Variants in MN1 observed in about 807,000 individuals in gnomAD.
The protein encoded by MN1 is MN1 proto-oncogene, transcriptional regulator, also known as transcriptional activator MN1.
MN1 carries 19 observed loss-of-function variants against 86.9 expected under a neutral mutation model. The observed-to-expected ratio is 0.22, with a 90% confidence interval of 0.15 to 0.32. The LOEUF (loss-of-function observed/expected upper bound fraction) is 0.32. Among genes scored for constraint, MN1 ranks in the 10% least tolerant of loss-of-function variants. The probability of loss-of-function intolerance (pLI) is 1.00; values close to 1 mark genes in which losing one functional copy is unlikely to be tolerated. For synonymous variants in MN1, 928 were observed against 849.6 expected (o/e 1.09, Z -1.60); for missense variants, 1,841 against 1,862.0 (o/e 0.99, Z 0.21).
rs750612058 is a variant in MN1, at chr22:27,800,010, A to C, written c.534T>G (p.Ser178Arg). Residue 178 changes from serine (S) to arginine (R), a missense_variant, in exon 1 of 2, where the codon AGT (serine) becomes AGG (arginine). Transcript: ENST00000302326. ...QRPGNLPDFH[S>R]SGASSHAVPA... is the part of the protein sequence containing the mutation. ...GCACGGCGTGGCTGGAGGCACCTGA[A>C]CTGTGGAAGTCCGGGAGGTTCCCCG... The C allele has an allele frequency of 4.4e-6, 7 of 1,605,086 alleles. No homozygotes were observed. Among genetic ancestry groups the C allele is most frequent in the Non-Finnish European group, 5.1e-6 (6 of 1,179,088 alleles).
chr22:27,773,503 G>A (rs1005238801), intron 1 of MN1, among the ~76,000 whole-genome samples: 3 of 147,906 alleles, frequency 2.0e-5, no homozygotes, highest in Non-Finnish European at 4.4e-5. Context: ...GGGGCCTCAC[G>A]TGCTCGCCGC....
chr22:27,787,117 TCTC>T (rs1334394431), intron 1 of MN1, among the ~76,000 whole-genome samples: 3 of 152,146 alleles, frequency 2.0e-5, no homozygotes, highest in African/African-American at 7.2e-5. Context: ...TATTAAGACT[TCTC>T]AGGCCTGTGT....
intron 1 of MN1, among the ~76,000 whole-genome samples, chr22:27,787,828 C>T (rs922406074): frequency 3.3e-5 from 5 of 152,194 alleles, no homozygotes; most frequent in Non-Finnish European, 7.3e-5. Context: ...ACCCAGGGCC[C>T]ATCTGGGTCT....
chr22:27,767,928 G>T (rs1281676944), intron 1 of MN1, among the ~76,000 whole-genome samples: 4 of 152,152 alleles, frequency 2.6e-5, no homozygotes, highest in African/African-American at 9.7e-5. Flanking sequence ...CCCTTCAAAG[G>T]CAGGGACTGT....
At chr22:27,753,448 C>T (rs1221915449) in intron 1 of MN1, among the ~76,000 whole-genome samples, 2 of 152,164 alleles carry the variant, frequency 1.3e-5, no homozygotes, top group Non-Finnish European at 2.9e-5. Flanking sequence ...GCCTGGCACA[C>T]AGACAGTCCC....
At position 27,750,788 on chromosome 22, in the gene MN1, A is replaced by T. The variant is rs566668379; in HGVS notation, c.*127T>A. ...AGCAGGTACCAACCTAGAGAAAAAA[A>T]AAAAACTCATCCACTCAGCAATAGT... is the stretch of plus-strand genomic sequence containing the variant. On this transcript the variant is annotated 3_prime_UTR_variant, in exon 2 of 2. Coordinates refer to ENST00000302326, the MANE Select transcript of MN1 (RefSeq NM_002430.3). The T allele has an allele frequency of 8.4e-6, 7 of 829,216 alleles. No individual in the cohort carries two copies. The South Asian group carries it at 1.8e-4, about 21-fold the overall frequency. The allele number at this position is 829,216 out of a possible 1,614,324, so 51.4% of individuals were successfully genotyped here. A position where few individuals can be genotyped will look rare whatever the true frequency, so the allele number is the denominator to read the frequency against.
intron 1 of MN1, 99 bp downstream of exon 1, chr22:27,796,664 C>G: frequency 7.8e-7 from 1 of 1,288,396 alleles, no homozygotes; most frequent in Non-Finnish European, 1.1e-6. Context: ...GGTTTGTGCC[C>G]TCCAAACCTC....
At chr22:27,775,679 C>T (rs979613213) in intron 1 of MN1, among the ~76,000 whole-genome samples, 10 of 152,184 alleles carry the variant, frequency 6.6e-5, no homozygotes, top group African/African-American at 2.4e-4. Flanking sequence ...CCTGTCCCAC[C>T]CCAGATGTGA....
Position 27,798,187 on chromosome 22 carries a change from G to A in MN1, c.2357C>T (p.Pro786Leu), listed in dbSNP as rs1933339819. The change falls in exon 1 of 2, where the codon CCG becomes CTG. Residue 786 changes from proline (P) to leucine (L), a missense_variant. By Grantham distance (98) the Pro-to-Leu change is moderately conservative. Coordinates refer to ENST00000302326, the MANE Select transcript of MN1 (RefSeq NM_002430.3). ...SGGGGGGGAY[P>L]PQPDFQPSQR... ...GCTGGGCTGGAAATCAGGCTGCGGCGGGTAGGCACCCCCGCCACCGCCGCC... is the reference window on the plus strand; with the variant it reads ...GCTGGGCTGGAAATCAGGCTGCGGCAGGTAGGCACCCCCGCCACCGCCGCC... The A allele has an allele frequency of 6.4e-7, 1 of 1,555,118 alleles. No individual in the cohort carries two copies. Among genetic ancestry groups the A allele is most frequent in the Admixed American group, 1.9e-5 (1 of 51,572 alleles).
Position 27,798,801 on chromosome 22 carries a change from G to A in MN1, c.1743C>T (p.Pro581=). The change falls in exon 1 of 2, where the codon CCC becomes CCT. Residue 581 remains proline, a synonymous_variant. Coordinates refer to ENST00000302326, the MANE Select transcript of MN1 (RefSeq NM_002430.3). Reference sequence around the variant, plus strand: ...CCAGGCCGCCCTGGCCCACGTCCCCGGGGTGGCCTAGCTGAGCCAGGTTGG... The same window carrying A: ...CCAGGCCGCCCTGGCCCACGTCCCCAGGGTGGCCTAGCTGAGCCAGGTTGG... ...RQPNLAQLGH[P]GDVGQGGLVH... is the part of the protein sequence containing the mutation. 2.0e-6 allele frequency: 3 copies of A among 1,536,008 alleles called. No individual in the cohort carries two copies. The highest frequency in any genetic ancestry group is 1.7e-4 in the Middle Eastern group (1 of 5,956).
rs536093783 is a variant in MN1 at position 27,796,327 on chromosome 22, T to C, written c.3781+436A>G. Among the ~76,000 whole-genome samples the C allele has an allele frequency of 5.2e-4, 79 of 151,972 alleles. 1 individual carries two copies. The highest frequency in any genetic ancestry group is 1.8e-3 in the African/African-American group (76 of 41,410). On this transcript the variant is annotated intron_variant, in intron 1 of 1. Transcript: ENST00000302326. ...ACTAACTAGGAAAAGGTGGGAGGCG[T>C]TAACACAACTTCCCAGGTGTCCTGC...
At position 27,796,970 on chromosome 22, in the gene MN1, C is replaced by A. The variant is rs762845346; in HGVS notation, c.3574G>T (p.Ala1192Ser). 6.2e-7 allele frequency: 1 copy of A among 1,612,260 alleles called. No individual in the cohort carries two copies. Among genetic ancestry groups the A allele is most frequent in the South Asian group, 1.1e-5 (1 of 91,016 alleles). Residue 1192 changes from alanine to serine, a missense_variant, in exon 1 of 2, where the codon GCG becomes TCG. Physicochemically the swap from Ala to Ser is moderately conservative, Grantham distance 99. Transcript: ENST00000302326. ...CCCAGCTCGCTGTCGCCATTCTGCG[C>A]CCCTGAGGCCCCGACGGCGCACTCA... is the stretch of plus-strand genomic sequence containing the variant. ...KGECAVGASGAQNGDSELGSC... is the reference protein window; with the variant it reads ...KGECAVGASGSQNGDSELGSC...
rs1933306752 is a variant in MN1 at position 27,796,938 on chromosome 22, G to C, written c.3606C>G (p.Cys1202Trp). ...TGGCGCTCTTGACCGCCTCGGAGCA[G>C]CAGCTGCCCAGCTCGCTGTCGCCAT... ...AQNGDSELGS[C>W]CSEAVKSAMS... The change falls in exon 1 of 2, where the codon TGC becomes TGG. Residue 1202 changes from cysteine (C) to tryptophan (W), a missense_variant. Physicochemically the swap from Cys to Trp is radical, Grantham distance 215 (BLOSUM62 -2). Coordinates refer to ENST00000302326, the MANE Select transcript of MN1 (RefSeq NM_002430.3). 2 of 1,612,506 alleles carry C rather than the reference G, an allele frequency of 1.2e-6. No individual in the cohort carries two copies. Among genetic ancestry groups the C allele is most frequent in the Non-Finnish European group, 1.7e-6 (2 of 1,179,906 alleles).
At chr22:27,765,745 G>A (rs565382782) in intron 1 of MN1, among the ~76,000 whole-genome samples, 4 of 152,322 alleles carry the variant, frequency 2.6e-5, no homozygotes, top group Non-Finnish European at 4.4e-5. Context: ...GCCACGCAGC[G>A]AAAATGGCAG....
chr22:27,779,225 C>T (rs928462363), intron 1 of MN1, among the ~76,000 whole-genome samples: 1 of 152,162 alleles, frequency 6.6e-6, no homozygotes, highest in African/African-American at 2.4e-5. Context: ...AGCACCTGTG[C>T]TCCCTGGCAC....
At chr22:27,762,058 G>A (rs140561567) in intron 1 of MN1, among the ~76,000 whole-genome samples, 21 of 152,238 alleles carry the variant, frequency 1.4e-4, no homozygotes, top group Non-Finnish European at 2.8e-4. Context: ...TGGGCTCCTC[G>A]CACCAGGCCT....
chr22:27,791,700 T>G (rs998436217), intron 1 of MN1: 3 of 152,186 alleles, frequency 2.0e-5, no homozygotes, highest in African/African-American at 7.2e-5. Flanking sequence ...CTACAGCCTT[T>G]TAATCTCTAA....
In MN1 at chr22:27,800,882, A is replaced by G; in HGVS notation, c.-339T>C. ...CGAAGCCGCGGATGAACGGAGACAA[A>G]AAGTTAAGTGGGGGGAATGGGGAGG... On this transcript the variant is annotated 5_prime_UTR_variant, in exon 1 of 2. Transcript: ENST00000302326. The G allele has an allele frequency of 2.4e-6, 1 of 416,372 alleles. No individual in the cohort carries two copies. The highest frequency in any genetic ancestry group is 2.8e-5 in the South Asian group (1 of 35,752). The allele number at this position is 416,372 out of a possible 1,614,324, so 25.8% of individuals were successfully genotyped here. A position where few individuals can be genotyped will look rare whatever the true frequency, so the allele number is the denominator to read the frequency against.
At chr22:27,774,014 G>A (rs1181115068) in intron 1 of MN1, among the ~76,000 whole-genome samples, 1 of 152,052 alleles carries the variant, frequency 6.6e-6, no homozygotes, top group Non-Finnish European at 1.5e-5. Context: ...TCAGTGGTAG[G>A]GGCTCAGGGG....
Sources: gnomAD v4.1 joint callset for allele counts (sites outside exome capture counted in the v4.1 genomes callset) on GRCh38, gnomAD v4.1.1 for gene constraint, MANE v1.5 for transcripts, NCBI Gene and HGNC (gene_info 2026-07-23, HGNC 2026-07-21) for gene names.